The following TBC1D4 variants were observed in gnomAD, a reference collection of about 807,000 sequenced individuals.
TBC1D4 encodes TBC (Tre-2, BUB2, CDC16) domain-containing protein.
In TBC1D4, 121 loss-of-function variants were observed where a neutral mutation model predicts 142.5. The observed-to-expected ratio is 0.85, with a 90% confidence interval of 0.73 to 0.99. TBC1D4 has a LOEUF of 0.99. TBC1D4 is among the 50% of genes least tolerant of loss of function. The pLI, the probability that TBC1D4 is intolerant of heterozygous loss-of-function variation, is 0.00. For synonymous variants in TBC1D4, 630 were observed against 628.2 expected, an observed-to-expected ratio of 1.00 and a Z score of -0.04; for missense variants, 1,475 against 1,606.6, an observed-to-expected ratio of 0.92 and a Z score of 1.40.
At chr13:75,399,378 TAACCAACTGCCCCACATCC>T (rs1327401626) in intron 1 of TBC1D4, among the ~76,000 whole-genome samples, 1 of 152,176 alleles carries the variant, frequency 6.6e-6, no homozygotes, top group Non-Finnish European at 1.5e-5. Flanking sequence ...TACAGTACTG[TAACCAACTGCCCCACATCC>T]ATTTGGAACA....
At chr13:75,345,365 T>C (rs528368775) in intron 5 of TBC1D4, among the ~76,000 whole-genome samples, 8 of 152,322 alleles carry the variant, frequency 5.3e-5, no homozygotes, top group Admixed American at 3.9e-4. Context: ...GTCTTACTGC[T>C]ATCTTTACTC....
chr13:75,406,299 G>A (rs151235368), intron 1 of TBC1D4, among the ~76,000 whole-genome samples: 55 of 152,258 alleles, frequency 3.6e-4, no homozygotes, highest in African/African-American at 1.2e-3. Flanking sequence ...TATTATTTAC[G>A]TACTTTACTT....
intron 1 of TBC1D4, among the ~76,000 whole-genome samples, chr13:75,405,879 T>C (rs780150801): frequency 5.9e-5 from 9 of 152,234 alleles, no homozygotes; most frequent in Non-Finnish European, 1.3e-4. Context: ...ACCAAGATTA[T>C]AATCCTTCAC....
In TBC1D4 at chr13:75,379,885, CTCTTTTTTTTTTTTTTTT is replaced by C. The variant is rs1566443816; in HGVS notation, c.499-17296_499-17279del. Reference sequence around the variant, plus strand: ...AAGTATATCAGTTTTGTTCATCTGACTCTTTTTTTTTTTTTTTTTTTTTTTTTTTTTTTTTTTTGAGAA... The same window carrying C: ...AAGTATATCAGTTTTGTTCATCTGACTTTTTTTTTTTTTTTTTTTTGAGAA... On this transcript the variant is annotated intron_variant, in intron 1 of 20. Transcript: ENST00000377636. Among the ~76,000 whole-genome samples the C allele has an allele frequency of 5.1e-5, 5 of 98,564 alleles. 2 individuals carry two copies. Among genetic ancestry groups the C allele is most frequent in the South Asian group, 8.9e-4 (2 of 2,258 alleles). The allele number at this position is 98,564 out of a possible 152,430, so 64.7% of individuals were successfully genotyped here.
intron 1 of TBC1D4, among the ~76,000 whole-genome samples, chr13:75,471,959 T>G (rs1888421311): frequency 6.6e-6 from 1 of 151,412 alleles, no homozygotes; most frequent in South Asian, 2.1e-4. Flanking sequence ...ATACAAAAAT[T>G]TGCCGGACAT....
chr13:75,380,473 C>CA (rs905334268), intron 1 of TBC1D4, among the ~76,000 whole-genome samples: 21 of 137,104 alleles, frequency 1.5e-4, no homozygotes, highest in South Asian at 4.6e-4. Flanking sequence ...ACTCCATCTC[C>CA]AAAAAAAAAA....
rs774499100 is a variant in TBC1D4 at position 75,349,307 on chromosome 13, A to G, written c.1276-5T>C. 2 of 1,613,778 alleles carry G rather than the reference A, an allele frequency of 1.2e-6. No individual in the cohort carries two copies. Among genetic ancestry groups the G allele is most frequent in the Non-Finnish European group, 8.5e-7 (1 of 1,179,868 alleles). Reference sequence around the variant, plus strand: ...AGTCAGCATTACCTCATCAACCTACAGGAAGAAACAAAACTCAGGTCTATA... The same window carrying G: ...AGTCAGCATTACCTCATCAACCTACGGGAAGAAACAAAACTCAGGTCTATA... On this transcript the variant is annotated splice_polypyrimidine_tract_variant and splice_region_variant and intron_variant, in intron 4 of 20. Transcript: ENST00000377636.
At chr13:75,369,716 G>A (rs1404181549) in intron 1 of TBC1D4, among the ~76,000 whole-genome samples, 1 of 152,102 alleles carries the variant, frequency 6.6e-6, no homozygotes, top group African/African-American at 2.4e-5. Context: ...TTATCTGAAA[G>A]GCAACCTAAG....
rs1874479220 is a variant in TBC1D4 at position 75,284,002 on chromosome 13, T to C, written c.*2790A>G. Among the ~76,000 whole-genome samples, 1 of 152,076 alleles carries C rather than the reference T, an allele frequency of 6.6e-6. No homozygotes were observed. The highest frequency in any genetic ancestry group is 1.9e-4 in the East Asian group (1 of 5,174). ...CTCACTGCAAGCTCCGCCTCCCAGG[T>C]TCAAACTATTCTCCAGCCTCCTATA... On this transcript the variant is annotated 3_prime_UTR_variant, in exon 21 of 21. Transcript: ENST00000377636.
At chr13:75,361,577 GC>G (rs1882511000) in intron 2 of TBC1D4, among the ~76,000 whole-genome samples, 1 of 152,092 alleles carries the variant, frequency 6.6e-6, no homozygotes, top group South Asian at 2.1e-4. Context: ...ACGGGGTTTT[GC>G]CATGTTGGCC....
intron 9 of TBC1D4, 44 bp from the exon 10 acceptor site, chr13:75,326,467 C>A: frequency 1.3e-6 from 2 of 1,597,898 alleles, no homozygotes; most frequent in South Asian, 1.1e-5. Flanking sequence ...CCACGTGGGT[C>A]ATGGCAGACC....
chr13:75,437,292 G>A (rs951060940), intron 1 of TBC1D4, among the ~76,000 whole-genome samples: 1 of 152,092 alleles, frequency 6.6e-6, no homozygotes, highest in African/African-American at 2.4e-5. Context: ...AAAATCCAAC[G>A]AAGCATTAAG....
At chr13:75,372,602 C>T (rs1260578985) in intron 1 of TBC1D4, among the ~76,000 whole-genome samples, 1 of 152,146 alleles carries the variant, frequency 6.6e-6, no homozygotes, top group African/African-American at 2.4e-5. Context: ...CATAGTTCAA[C>T]ACCACTTGTA....
Position 75,481,228 on chromosome 13 carries a change from C to A in TBC1D4, c.498+42G>T, listed in dbSNP as rs758073112. ...CCTCCCGCCCTGCTCCCCGATCCCC[C>A]AAGGCCGAGCCCGCCCCCGCGCCTC... On this transcript the variant is annotated intron_variant, in intron 1 of 20. Transcript: ENST00000377636. 5.0e-6 allele frequency: 8 copies of A among 1,589,460 alleles called. No homozygotes were observed. In the Admixed American group the frequency reaches 8.7e-5, roughly 17 times the overall value.
At chr13:75,441,697 A>C (rs1409446417) in intron 1 of TBC1D4, among the ~76,000 whole-genome samples, 1 of 152,244 alleles carries the variant, frequency 6.6e-6, no homozygotes, top group Non-Finnish European at 1.5e-5. Context: ...GAACCAATTT[A>C]AAACTGCATG....
At chr13:75,440,427 G>C (rs1239508737) in intron 1 of TBC1D4, among the ~76,000 whole-genome samples, 2 of 150,698 alleles carry the variant, frequency 1.3e-5, no homozygotes, top group Admixed American at 1.3e-4. Context: ...TTAAATTTTA[G>C]AAGGAAAAAA....
At chr13:75,341,350 A>T in intron 6 of TBC1D4, 115 bp from the exon 7 acceptor site, 1 of 1,286,688 alleles carries the variant, frequency 7.8e-7, no homozygotes, top group Non-Finnish European at 1.1e-6. Flanking sequence ...CAGAAGCAAA[A>T]GTAAAATGGC....
At chr13:75,336,268 G>A (rs1003246705) in intron 8 of TBC1D4, among the ~76,000 whole-genome samples, 6 of 151,950 alleles carry the variant, frequency 3.9e-5, no homozygotes, top group Admixed American at 2.0e-4. Context: ...GTGGTGGCGC[G>A]CACCTGTAGT....
intron 1 of TBC1D4, among the ~76,000 whole-genome samples, chr13:75,480,266 C>T (rs997326161): frequency 6.6e-6 from 1 of 152,152 alleles, no homozygotes; most frequent in Non-Finnish European, 1.5e-5. Context: ...CAACCTGAGA[C>T]TTTATTTATA....
Sources: allele counts gnomAD v4.1 joint callset (sites outside exome capture counted in the v4.1 genomes callset), GRCh38; gene constraint gnomAD v4.1.1; transcripts MANE v1.5; gene names NCBI Gene and HGNC (gene_info 2026-07-23, HGNC 2026-07-21).